Variants in CCDC171 observed in about 807,000 individuals in gnomAD.
CCDC171 encodes the protein coiled-coil domain-containing protein 171.
A neutral mutation model predicts 168.2 loss-of-function variants in CCDC171; 177 were observed. The observed-to-expected ratio is 1.05, with a 90% CI of 0.93 to 1.19. The LOEUF is 1.19. Among genes scored for constraint, CCDC171 ranks in the 50% most tolerant of loss-of-function variants. The probability of loss-of-function intolerance (pLI) is 0.00; values close to 1 mark genes in which losing one functional copy is unlikely to be tolerated. For missense variants in CCDC171, 1,991 were observed against 1,539.0 expected, an observed-to-expected ratio of 1.29 and a Z score of -4.91; for synonymous variants, 687 against 540.8, an observed-to-expected ratio of 1.27 and a Z score of -3.75.
At chr9:15,694,144 T>C (rs539714504) in intron 10 of CCDC171, among the ~76,000 whole-genome samples, 2 of 152,312 alleles carry the variant, frequency 1.3e-5, no homozygotes, top group African/African-American at 4.8e-5. Context: ...TCTTCTTCTT[T>C]TTTTAGTTTT....
In CCDC171 at chr9:15,594,065, GAGA is replaced by G. The variant is rs753438478; in HGVS notation, c.573_575del (p.Lys191del). Reference sequence around the variant, plus strand: ...GGAAGCGTTGGAAAAACATCAACGGGAGAAGAATGAGATGGAGTCTCATATCAG... The same window carrying G: ...GGAAGCGTTGGAAAAACATCAACGGGAGAATGAGATGGAGTCTCATATCAG... On this transcript the variant is annotated inframe_deletion, in exon 6 of 26. Coordinates refer to ENST00000380701, the MANE Select transcript of CCDC171 (RefSeq NM_173550.4). 47 of 1,591,620 alleles carry G rather than the reference GAGA, an allele frequency of 3.0e-5. No individual in the cohort carries two copies. Among genetic ancestry groups the G allele is most frequent in the Non-Finnish European group, 3.8e-5 (44 of 1,166,946 alleles).
At chr9:15,832,388 T>C (rs768521448) in intron 21 of CCDC171, among the ~76,000 whole-genome samples, 7 of 152,200 alleles carry the variant, frequency 4.6e-5, no homozygotes, top group Non-Finnish European at 8.8e-5. Context: ...ACAATTTTGT[T>C]GTACAAACAT....
At chr9:15,682,912 G>A (rs1473267731) in intron 10 of CCDC171, among the ~76,000 whole-genome samples, 1 of 151,998 alleles carries the variant, frequency 6.6e-6, no homozygotes, top group Non-Finnish European at 1.5e-5. Flanking sequence ...GACTGATCAT[G>A]CTTATTAAAG....
intron 1 of CCDC171, among the ~76,000 whole-genome samples, chr9:15,559,389 A>AG (rs1242710971): frequency 2.6e-5 from 4 of 152,132 alleles, no homozygotes; most frequent in Non-Finnish European, 4.4e-5. Flanking sequence ...TAGGTCTCTA[A>AG]GACTTGCTTT....
At chr9:15,914,933 G>T (rs545055945) in intron 24 of CCDC171, among the ~76,000 whole-genome samples, 1 of 152,200 alleles carries the variant, frequency 6.6e-6, no homozygotes, top group South Asian at 2.1e-4. Flanking sequence ...CCCGGGTGAG[G>T]TGATGCCCCA....
At chr9:15,618,921 TGGGAGC>T (rs2044299675) in intron 6 of CCDC171, among the ~76,000 whole-genome samples, 2 of 152,130 alleles carry the variant, frequency 1.3e-5, no homozygotes, top group South Asian at 4.2e-4. Flanking sequence ...TTGGTCTCGC[TGGGAGC>T]TGCAGACTGC....
chr9:15,791,204 C>T (rs1183141473), intron 21 of CCDC171, among the ~76,000 whole-genome samples: 5 of 152,086 alleles, frequency 3.3e-5, no homozygotes, highest in African/African-American at 9.7e-5. Context: ...GCCATTTTCA[C>T]GATGTTGATT....
At chr9:15,710,744 C>G (rs2052604477) in intron 11 of CCDC171, among the ~76,000 whole-genome samples, 1 of 152,070 alleles carries the variant, frequency 6.6e-6, no homozygotes, top group African/African-American at 2.4e-5. Context: ...TACAGGTGTG[C>G]ACCAACACGT....
At chr9:16,028,163 T>A (rs1833308305) in intron 6 of CCDC171, among the ~76,000 whole-genome samples, 1 of 152,134 alleles carries the variant, frequency 6.6e-6, no homozygotes, top group Non-Finnish European at 1.5e-5. Context: ...GACTGGAAAG[T>A]CAGCGGCAAT....
intron 24 of CCDC171, chr9:15,886,364 G>A (rs1819396796): frequency 6.6e-6 from 1 of 152,084 alleles, no homozygotes; most frequent in South Asian, 2.1e-4. Flanking sequence ...AAGTAAAAAG[G>A]TGTTCAACAC....
At chr9:15,820,274 A>C (rs2059716225) in intron 21 of CCDC171, among the ~76,000 whole-genome samples, 1 of 117,056 alleles carries the variant, frequency 8.5e-6, no homozygotes, top group Admixed American at 8.1e-5. Flanking sequence ...CATCACAATT[A>C]AAAGAACTAG....
At chr9:15,594,581 C>G (rs1035138635) in intron 6 of CCDC171, among the ~76,000 whole-genome samples, 1 of 152,114 alleles carries the variant, frequency 6.6e-6, no homozygotes, top group African/African-American at 2.4e-5. Flanking sequence ...TAATTATCCT[C>G]TATTCCTCCA....
At chr9:15,790,931 G>T (rs1006762047) in intron 21 of CCDC171, among the ~76,000 whole-genome samples, 2 of 152,088 alleles carry the variant, frequency 1.3e-5, no homozygotes, top group Non-Finnish European at 2.9e-5. Context: ...ATTTCTGAGG[G>T]CTCTGTTCTG....
intron 7 of CCDC171, among the ~76,000 whole-genome samples, chr9:15,633,665 C>T (rs1432003755): frequency 1.3e-5 from 2 of 152,174 alleles, no homozygotes; most frequent in Non-Finnish European, 2.9e-5. Context: ...CCAGCCATCC[C>T]ATTACTGGGT....
chr9:15,994,312 C>T (rs1192139946), intron 3 of CCDC171, among the ~76,000 whole-genome samples: 4 of 152,154 alleles, frequency 2.6e-5, no homozygotes, highest in African/African-American at 9.7e-5. Context: ...TGGAAACCAT[C>T]ATTCTCAGCA....
the CCDC171 span, among the ~76,000 whole-genome samples, chr9:16,086,054 GCTCAC>G: frequency 6.6e-6 from 1 of 150,762 alleles, no homozygotes; most frequent in African/African-American, 2.4e-5. Context: ...TGCCTCTGTG[GCTCAC>G]CGGCTGTGAG....
At chr9:16,075,671 A>G in the CCDC171 span, among the ~76,000 whole-genome samples, 2 of 152,092 alleles carry the variant, frequency 1.3e-5, no homozygotes, top group South Asian at 2.1e-4. Context: ...CATCACCCCA[A>G]TTTTTTGTCC....
intron 21 of CCDC171, among the ~76,000 whole-genome samples, chr9:15,797,444 G>C (rs1364299307): frequency 6.6e-6 from 1 of 152,032 alleles, no homozygotes; most frequent in Non-Finnish European, 1.5e-5. Flanking sequence ...TTGAACTCCT[G>C]GGCTGAAGCA....
chr9:15,582,695 C>T (rs1283004235), intron 4 of CCDC171, among the ~76,000 whole-genome samples: 2 of 151,916 alleles, frequency 1.3e-5, no homozygotes, highest in African/African-American at 2.4e-5. Flanking sequence ...GAAAACCAAA[C>T]AGCGCATGTT....
Sources: allele counts gnomAD v4.1 joint callset (sites outside exome capture counted in the v4.1 genomes callset), GRCh38; gene constraint gnomAD v4.1.1; transcripts MANE v1.5; gene names NCBI Gene and HGNC (gene_info 2026-07-23, HGNC 2026-07-21).